Variants in C19orf53 observed in about 807,000 individuals in gnomAD.
C19orf53 encodes chromosome 19 open reading frame 53, also known as leydig cell tumor 10 kDa protein homolog.
A neutral mutation model predicts 6.5 loss-of-function variants in C19orf53; 9 were observed. The observed-to-expected ratio is 1.38, with a 90% confidence interval of 0.83 to 2.40. The LOEUF is 2.40. Ranked by LOEUF, C19orf53 falls within the 30% of genes most tolerant of loss-of-function variation. C19orf53 has a pLI of 0.00. For synonymous variants in C19orf53, 68 were observed against 52.5 expected, an observed-to-expected ratio of 1.29 and a Z score of -1.27; for missense variants, 166 against 129.7, an observed-to-expected ratio of 1.28 and a Z score of -1.36.
Position 13,774,710 on chromosome 19 carries a change from G to T in C19orf53, c.153+3G>T. On this transcript the variant is annotated splice_donor_region_variant and intron_variant, in intron 2 of 2. Transcript: ENST00000588234. The stretch of plus-strand genomic sequence containing the variant: ...TGCAGCAGCAAAAGCTCAAGAAGGT[G>T]TGCGGGGGCGAGAGATGGAGCCCGG... The T allele has an allele frequency of 6.3e-7, 1 of 1,598,690 alleles. No homozygotes were observed. Among genetic ancestry groups the T allele is most frequent in the Admixed American group, 1.7e-5 (1 of 58,862 alleles).
Position 13,774,750 on chromosome 19 carries a change from C to T in C19orf53, c.153+43C>T, listed in dbSNP as rs377209876. 3.8e-6 allele frequency: 6 copies of T among 1,559,444 alleles called. No homozygotes were observed. The African/African-American group carries it at 6.8e-5, about 18-fold the overall frequency. ...ATGGAGCCCGGAGGGCGGCGAGTAG[C>T]GAGGGGTGGAACCCGGAGGACGGCG... is the stretch of plus-strand genomic sequence containing the variant. On this transcript the variant is annotated intron_variant, in intron 2 of 2. Transcript: ENST00000588234.
Position 13,778,081 on chromosome 19 carries a change from C to T in C19orf53, c.183C>T (p.Ile61=), listed in dbSNP as rs201824535. The change falls in exon 3 of 3, where the codon ATC becomes ATT. Residue 61 remains isoleucine, a synonymous_variant. Coordinates refer to ENST00000588234, the MANE Select transcript of C19orf53 (RefSeq NM_014047.3). ...KNLEVGIRKK[I]EHDVVMKASS... ...TAGAAGTCGGAATCCGGAAGAAGATCGAACATGACGTGGTGATGAAAGCCA... is the reference window on the plus strand; with the variant it reads ...TAGAAGTCGGAATCCGGAAGAAGATTGAACATGACGTGGTGATGAAAGCCA... 3.5e-5 allele frequency: 56 copies of T among 1,612,456 alleles called. No individual in the cohort carries two copies. The highest frequency in any genetic ancestry group is 3.3e-5 in the Admixed American group (2 of 59,846).
At chr19:13,776,901 C>T (rs1261081085) in intron 2 of C19orf53, among the ~76,000 whole-genome samples, 1 of 152,208 alleles carries the variant, frequency 6.6e-6, no homozygotes, top group East Asian at 1.9e-4. Flanking sequence ...CATCCAGGCA[C>T]CTGGTTAGCT....
Position 13,778,749 on chromosome 19 carries a change from G to A in C19orf53, c.*551G>A, listed in dbSNP as rs896385605. ...TGCCACCTCACAGGACCAAGGTGCCGATTAAACCGGAATACATTCAGAAAC... is the reference window on the plus strand; with the variant it reads ...TGCCACCTCACAGGACCAAGGTGCCAATTAAACCGGAATACATTCAGAAAC... On this transcript the variant is annotated 3_prime_UTR_variant, in exon 3 of 3. Transcript: ENST00000588234. Among the ~76,000 whole-genome samples, 9 of 152,228 alleles carry A rather than the reference G, an allele frequency of 5.9e-5. No individual in the cohort carries two copies. Among genetic ancestry groups the A allele is most frequent in the African/African-American group, 1.4e-4 (6 of 41,460 alleles).
chr19:13,774,944 G>A (rs1211987043), intron 2 of C19orf53: 6 of 585,020 alleles, frequency 1.0e-5, no homozygotes, highest in Admixed American at 9.2e-5. Context: ...GCTGGGGGAC[G>A]TGCTAGGGAC....
Position 13,778,000 on chromosome 19 carries a change from G to A in C19orf53, c.154-52G>A. ...AGCCAGGAAGAGGGTGACTGGTCAG[G>A]CCCTCTCTCAGCCCCAGGTCACAAT... is the stretch of plus-strand genomic sequence containing the variant. On this transcript the variant is annotated intron_variant, in intron 2 of 2. Coordinates refer to ENST00000588234, the MANE Select transcript of C19orf53 (RefSeq NM_014047.3). 3 of 1,562,430 alleles carry A rather than the reference G, an allele frequency of 1.9e-6. No individual in the cohort carries two copies. The South Asian group carries it at 3.6e-5, about 19-fold the overall frequency.
In C19orf53 at chr19:13,774,659, T is replaced by A. The variant is rs748204749; in HGVS notation, c.105T>A (p.Val35=). ...GAGCACATCTTTCCCCAGGTCGTGT[T>A]ATCGCTCCCAAGAAGGCGCGCGTCG... The part of the protein sequence containing the change: ...KNRGPRKGGR[V]IAPKKARVVQ... The change falls in exon 2 of 3, where the codon GTT becomes GTA. Residue 35 remains valine, a synonymous_variant. Coordinates refer to ENST00000588234, the MANE Select transcript of C19orf53 (RefSeq NM_014047.3). The A allele has an allele frequency of 6.2e-7, 1 of 1,610,132 alleles. No individual in the cohort carries two copies. The highest frequency in any genetic ancestry group is 1.1e-5 in the South Asian group (1 of 91,020).
At position 13,778,091 on chromosome 19, in the gene C19orf53, G is replaced by A. The variant is rs183989129; in HGVS notation, c.193G>A (p.Val65Met). ...VGIRKKIEHD[V>M]VMKASSSLPK... ...AATCCGGAAGAAGATCGAACATGACGTGGTGATGAAAGCCAGCAGCAGCCT... is the reference window on the plus strand; with the variant it reads ...AATCCGGAAGAAGATCGAACATGACATGGTGATGAAAGCCAGCAGCAGCCT... Residue 65 changes from valine to methionine, a missense_variant, in exon 3 of 3, where the codon GTG becomes ATG. By Grantham distance (21) the Val-to-Met change is conservative. Transcript: ENST00000588234. 2.9e-5 allele frequency: 47 copies of A among 1,613,302 alleles called. No homozygotes were observed. The Middle Eastern group carries it at 8.3e-4, about 28-fold the overall frequency.
chr19:13,774,849 A>T, intron 2 of C19orf53, 142 bp downstream of exon 2: 1 of 1,177,890 alleles, frequency 8.5e-7, no homozygotes, highest in South Asian at 1.5e-5. Flanking sequence ...GAGCGAGGGG[A>T]TAGAGCCAGG....
chr19:13,778,154 A>G lies in C19orf53; in HGVS notation c.256A>G (p.Lys86Glu). 1.2e-6 allele frequency: 2 copies of G among 1,612,054 alleles called. No homozygotes were observed. Among genetic ancestry groups the G allele is most frequent in the Non-Finnish European group, 1.7e-6 (2 of 1,178,808 alleles). Residue 86 changes from lysine (K) to glutamate (E), a missense_variant, in exon 3 of 3, where the codon AAG becomes GAG. Coordinates refer to ENST00000588234, the MANE Select transcript of C19orf53 (RefSeq NM_014047.3). ...GGCACTGCTGAAGGCCCCAGCCAAG[A>G]AGAAAGGGGCAGCTGCCGCCACCTC... ...KLALLKAPAK[K>E]KGAAAATSSK... is the part of the protein sequence containing the mutation.
At chr19:13,775,983 GT>G (rs933692954) in intron 2 of C19orf53, among the ~76,000 whole-genome samples, 6 of 152,050 alleles carry the variant, frequency 3.9e-5, no homozygotes, top group African/African-American at 7.2e-5. Context: ...TTGAGATGGA[GT>G]CTCGCTCTGT....
intron 2 of C19orf53, among the ~76,000 whole-genome samples, chr19:13,775,884 AT>A (rs1194195223): frequency 6.6e-6 from 1 of 151,998 alleles, no homozygotes; most frequent in Non-Finnish European, 1.5e-5. Context: ...TCCCCCTGTG[AT>A]CACTTCCTTC....
Position 13,774,652 on chromosome 19 carries a change from G to T in C19orf53, c.98G>T (p.Gly33Val), listed in dbSNP as rs753636778. ...SEKNRGPRKG[G>V]RVIAPKKARV... ...CTCACGTGAGCACATCTTTCCCCAG[G>T]TCGTGTTATCGCTCCCAAGAAGGCG... Residue 33 changes from glycine to valine, a missense_variant and splice_region_variant, in exon 2 of 3, where the codon GGT becomes GTT. Transcript: ENST00000588234. 4.3e-6 allele frequency: 7 copies of T among 1,610,430 alleles called. No homozygotes were observed. The highest frequency in any genetic ancestry group is 5.9e-6 in the Non-Finnish European group (7 of 1,176,898).
rs1214593483 is a variant in C19orf53 at position 13,774,585 on chromosome 19, G to A, written c.97+11G>A. On this transcript the variant is annotated intron_variant, in intron 1 of 2. Transcript: ENST00000588234. ...GCCCAAGAAAAGGCGGTAAGGAGCGGCCCGGGGACTTGGGGGCGAGGTGGA... is the reference window on the plus strand; with the variant it reads ...GCCCAAGAAAAGGCGGTAAGGAGCGACCCGGGGACTTGGGGGCGAGGTGGA... The A allele has an allele frequency of 3.1e-6, 5 of 1,614,066 alleles. No individual in the cohort carries two copies. The highest frequency in any genetic ancestry group is 4.2e-6 in the Non-Finnish European group (5 of 1,179,898).
chr19:13,777,138 G>T (rs796079928), intron 2 of C19orf53, among the ~76,000 whole-genome samples: 3 of 152,086 alleles, frequency 2.0e-5, no homozygotes, highest in African/African-American at 7.2e-5. Flanking sequence ...TTTTAGTAGA[G>T]ATTGGGTTTC....
intron 2 of C19orf53, among the ~76,000 whole-genome samples, chr19:13,776,256 G>C (rs1192783087): frequency 6.6e-6 from 1 of 151,120 alleles, no homozygotes; most frequent in Non-Finnish European, 1.5e-5. Context: ...GGGATTACAG[G>C]CATGAGCCAC....
chr19:13,777,572 C>A (rs1326559684), intron 2 of C19orf53, among the ~76,000 whole-genome samples: 1 of 152,194 alleles, frequency 6.6e-6, no homozygotes, highest in Non-Finnish European at 1.5e-5. Flanking sequence ...GGAAAGGCGA[C>A]TGAGCCACCA....
At chr19:13,776,124 ATTTTTT>A (rs57201742) in intron 2 of C19orf53, among the ~76,000 whole-genome samples, 2,557 of 84,932 alleles carry the variant, frequency 0.03, 77 homozygotes, top group African/African-American at 0.11. Flanking sequence ...CACCGGGCTA[ATTTTTT>A]TTTTTTTTTT....
At chr19:13,776,914 C>G (rs1035467476) in intron 2 of C19orf53, among the ~76,000 whole-genome samples, 1 of 152,122 alleles carries the variant, frequency 6.6e-6, no homozygotes, top group Non-Finnish European at 1.5e-5. Context: ...GGTTAGCTGT[C>G]CCGATGCTGG....
Sources: gnomAD v4.1 joint callset for allele counts (sites outside exome capture counted in the v4.1 genomes callset) on GRCh38, gnomAD v4.1.1 for gene constraint, MANE v1.5 for transcripts, NCBI Gene and HGNC (gene_info 2026-07-23, HGNC 2026-07-21) for gene names.